DAB1: variants seen among roughly 807,000 people sequenced by gnomAD.
The protein encoded by DAB1 is disabled homolog 1.
DAB1 carries 15 observed loss-of-function variants against 64.6 expected under a neutral mutation model. That is an observed-to-expected ratio of 0.23 (90% confidence interval 0.16 to 0.36). DAB1 has a LOEUF of 0.36. Among genes scored for constraint, DAB1 ranks in the 10% least tolerant of loss-of-function variants. The pLI is 1.00. For missense variants in DAB1, 596 were observed against 706.7 expected, an observed-to-expected ratio of 0.84 and a Z score of 1.78; for synonymous variants, 235 against 251.9, an observed-to-expected ratio of 0.93 and a Z score of 0.64.
intron 5 of DAB1, among the ~76,000 whole-genome samples, chr1:58,086,075 T>C (rs1312271271): frequency 6.8e-6 from 1 of 147,802 alleles, no homozygotes; most frequent in Non-Finnish European, 1.5e-5. Context: ...GCCATTCTCC[T>C]GCCTCAGCCT....
At chr1:57,094,833 T>C (rs1339896930) in intron 4 of DAB1, among the ~76,000 whole-genome samples, 1 of 151,964 alleles carries the variant, frequency 6.6e-6, no homozygotes. Context: ...AGTCAGGAGG[T>C]AGGGTTCTGT....
intron 9 of DAB1, among the ~76,000 whole-genome samples, chr1:57,046,120 T>A (rs149152372): frequency 1.4e-4 from 22 of 152,328 alleles, no homozygotes; most frequent in African/African-American, 4.8e-4. Flanking sequence ...ACTTTGTAAA[T>A]CTCTCTTTAT....
At chr1:58,401,572 T>G (rs1369162335) in intron 3 of DAB1, among the ~76,000 whole-genome samples, 1 of 152,252 alleles carries the variant, frequency 6.6e-6, no homozygotes, top group Non-Finnish European at 1.5e-5. Context: ...TTATCTGTTT[T>G]TCTCCAGCAG....
intron 1 of DAB1, among the ~76,000 whole-genome samples, chr1:57,389,640 G>C (rs886547680): frequency 2.0e-5 from 3 of 152,268 alleles, no homozygotes; most frequent in African/African-American, 4.8e-5. Context: ...TGGAGGGAAG[G>C]AGAAAGAGAG....
At chr1:57,156,211 A>C (rs1557828810) in intron 2 of DAB1, among the ~76,000 whole-genome samples, 1 of 152,138 alleles carries the variant, frequency 6.6e-6, no homozygotes, top group South Asian at 2.1e-4. Context: ...GTGTCATCTC[A>C]TCATGCACTA....
intron 4 of DAB1, among the ~76,000 whole-genome samples, chr1:57,117,629 T>C (rs1656258265): frequency 6.6e-6 from 1 of 152,202 alleles, no homozygotes; most frequent in Admixed American, 6.5e-5. Flanking sequence ...TATGTCATTA[T>C]TTACAAATGA....
chr1:58,022,589 T>C (rs1646830178), intron 5 of DAB1, among the ~76,000 whole-genome samples: 1 of 152,208 alleles, frequency 6.6e-6, no homozygotes, highest in African/African-American at 2.4e-5. Flanking sequence ...ACCAGTGGAC[T>C]GAAAGGCATG....
chr1:57,373,183 T>A (rs756686509), intron 1 of DAB1, among the ~76,000 whole-genome samples: 7 of 152,132 alleles, frequency 4.6e-5, no homozygotes, highest in Non-Finnish European at 8.8e-5. Flanking sequence ...AACAAGACCC[T>A]GTCTCAAAAT....
intron 4 of DAB1, among the ~76,000 whole-genome samples, chr1:57,125,511 T>C (rs918516674): frequency 1.4e-4 from 22 of 151,814 alleles, no homozygotes; most frequent in African/African-American, 5.1e-4. Context: ...AAAAAATACA[T>C]ATGGCAATAA....
At chr1:58,347,493 C>CA (rs1644012772) in intron 3 of DAB1, among the ~76,000 whole-genome samples, 3 of 152,110 alleles carry the variant, frequency 2.0e-5, no homozygotes, top group African/African-American at 4.8e-5. Flanking sequence ...ACTTCAAGAT[C>CA]AAAAAATGCC....
Position 56,997,893 on chromosome 1 carries a change from C to A in DAB1, c.*251G>T. On this transcript the variant is annotated 3_prime_UTR_variant, in exon 15 of 15. Transcript: ENST00000371236. ...CTGATTTAATGTTGGGTGGATCTTT[C>A]TATACTTTTTTTGTGTGCTGCCATA... The A allele has an allele frequency of 6.6e-6, 1 of 151,956 alleles. No individual in the cohort carries two copies. The highest frequency in any genetic ancestry group is 1.5e-5 in the Non-Finnish European group (1 of 68,020). 9.4% of individuals were successfully genotyped at this position (151,956 alleles called of 1,614,324 possible).
chr1:58,214,476 G>T (rs2100301392), intron 4 of DAB1, among the ~76,000 whole-genome samples: 1 of 152,284 alleles, frequency 6.6e-6, no homozygotes, highest in East Asian at 1.9e-4. Context: ...GGAGAGTGTG[G>T]CAGAGAAAAG....
chr1:57,056,862 T>A (rs1380514918), intron 9 of DAB1, among the ~76,000 whole-genome samples: 5 of 150,902 alleles, frequency 3.3e-5, no homozygotes, highest in Non-Finnish European at 7.4e-5. Context: ...AGACTCTGTC[T>A]CAAAGGAAAA....
intron 6 of DAB1, among the ~76,000 whole-genome samples, chr1:57,715,031 A>C (rs899448901): frequency 2.5e-4 from 38 of 152,354 alleles, no homozygotes; most frequent in African/African-American, 9.1e-4. Context: ...AAATCTTCAC[A>C]AAATACTAGC....
Position 57,778,584 on chromosome 1 carries a change from A to T in DAB1, n.551+105415T>A, listed in dbSNP as rs111465832. ...AGTCTGGCAAGAATTACTCTAACAC[A>T]TCTGGAGCAGAAGTTCAGAATGTCT... On this transcript the variant is annotated intron_variant and non_coding_transcript_variant, in intron 6 of 20. Transcript: ENST00000485760. Among the ~76,000 whole-genome samples the T allele has an allele frequency of 2.6e-3, 401 of 152,168 alleles. 7 individuals carry two copies. Among genetic ancestry groups the T allele is most frequent in the Middle Eastern group, 0.01 (3 of 294 alleles).
chr1:57,745,826 C>T lies in DAB1; in HGVS notation n.552-96161G>A, dbSNP rs1272186810. 9.8e-5 allele frequency among the ~76,000 whole-genome samples: 15 copies of T among 152,286 alleles called. No homozygotes were observed. In the South Asian group the frequency reaches 2.5e-3, roughly 25 times the overall value. ...CCAGTTCCATCTCTTCTTCCCTCTC[C>T]AGTGGCCACTACTTTCATGAATTAA... On this transcript the variant is annotated intron_variant and non_coding_transcript_variant, in intron 6 of 20. Coordinates refer to the DAB1 transcript ENST00000485760.
intron 6 of DAB1, among the ~76,000 whole-genome samples, chr1:57,668,506 T>C (rs1646474338): frequency 6.6e-6 from 1 of 152,102 alleles, no homozygotes; most frequent in African/African-American, 2.4e-5. Flanking sequence ...TCGAAATGTG[T>C]TTGAGCTACA....
chr1:57,716,469 C>A (rs1575511), intron 6 of DAB1, among the ~76,000 whole-genome samples: 1 of 152,060 alleles, frequency 6.6e-6, no homozygotes, highest in South Asian at 2.1e-4. Context: ...AACAAAGGTG[C>A]GAAAATACAC....
At chr1:57,994,012 G>A (rs1480206841) in intron 5 of DAB1, among the ~76,000 whole-genome samples, 2 of 152,180 alleles carry the variant, frequency 1.3e-5, no homozygotes, top group African/African-American at 2.4e-5. Context: ...TTATAAAAGC[G>A]TAGCCTGTTG....
Sources: gnomAD v4.1 joint callset for allele counts (sites outside exome capture counted in the v4.1 genomes callset) on GRCh38, gnomAD v4.1.1 for gene constraint, MANE v1.5 for transcripts, NCBI Gene and HGNC (gene_info 2026-07-23, HGNC 2026-07-21) for gene names.